Variants in TRIM71 observed in about 807,000 individuals in gnomAD.
The protein encoded by TRIM71 is tripartite motif containing 71.
TRIM71 carries 9 observed loss-of-function variants against 61.2 expected under a neutral mutation model. That is an observed-to-expected ratio of 0.15 (90% confidence interval 0.09 to 0.26). The LOEUF is 0.26. TRIM71 is among the 10% of genes least tolerant of loss of function. TRIM71 has a pLI of 1.00. For missense variants in TRIM71, 998 were observed against 1,238.7 expected (o/e 0.81, Z 2.92); for synonymous variants, 645 against 553.2 (o/e 1.17, Z -2.33).
At position 32,892,104 on chromosome 3, in the gene TRIM71, C is replaced by G; in HGVS notation, c.*293C>G. ...TACATTTCCTTCTGCAACAGGCCCT[C>G]TTCCCCTCCTCAGTGGAGTTTGCAT... is the stretch of plus-strand genomic sequence containing the variant. On this transcript the variant is annotated 3_prime_UTR_variant, in exon 4 of 4. Transcript: ENST00000383763. The G allele has an allele frequency of 3.1e-6, 1 of 325,642 alleles. No individual in the cohort carries two copies. The highest frequency in any genetic ancestry group is 3.3e-5 in the South Asian group (1 of 30,054). The allele number at this position is 325,642 out of a possible 1,614,324, so 20.2% of individuals were successfully genotyped here.
At chr3:32,820,339 C>T (rs1446241174) in intron 1 of TRIM71, among the ~76,000 whole-genome samples, 9 of 152,228 alleles carry the variant, frequency 5.9e-5, no homozygotes, top group Non-Finnish European at 8.8e-5. Context: ...AGTTGAAATT[C>T]TAATCTACTT....
In TRIM71 at chr3:32,890,730, G is replaced by C. The variant is rs1333421359; in HGVS notation, c.1526G>C (p.Gly509Ala). Reference sequence around the variant, plus strand: ...AAGGTGGCCTCCTTCACAGTCATTGGTTATGACCACGATGGTGAGCCCCGC... The same window carrying C: ...AAGGTGGCCTCCTTCACAGTCATTGCTTATGACCACGATGGTGAGCCCCGC... ...QGKVASFTVI[G>A]YDHDGEPRLS... The change falls in exon 4 of 4, where the codon GGT becomes GCT. Residue 509 changes from glycine to alanine, a missense_variant. Coordinates refer to ENST00000383763, the MANE Select transcript of TRIM71 (RefSeq NM_001039111.3). The surrounding 1 kb of genome is among the most constrained non-coding windows in gnomAD (Gnocchi z 6.2). 6.2e-7 allele frequency: 1 copy of C among 1,614,114 alleles called. No individual in the cohort carries two copies. The highest frequency in any genetic ancestry group is 1.7e-5 in the Admixed American group (1 of 60,032).
intron 1 of TRIM71, among the ~76,000 whole-genome samples, chr3:32,866,484 C>T (rs1382011081): frequency 6.6e-6 from 1 of 152,066 alleles, no homozygotes; most frequent in Admixed American, 6.5e-5. Context: ...TCTTCGCACT[C>T]CCAAAGTTCT....
rs575774389 is a variant in TRIM71, at chr3:32,855,507, ATGTCTCTGACC to A, written c.853-18303_853-18293del. Reference sequence around the variant, plus strand: ...GTTTTAAAGAGGGGTGTGGCGTGATATGTCTCTGACCTGTCTCTAGCCCTCCTCTTTTGCTG... The same window carrying A: ...GTTTTAAAGAGGGGTGTGGCGTGATATGTCTCTAGCCCTCCTCTTTTGCTG... On this transcript the variant is annotated intron_variant, in intron 1 of 3. Transcript: ENST00000383763. Among the ~76,000 whole-genome samples the A allele has an allele frequency of 1.1e-3, 172 of 152,236 alleles. 2 individuals carry two copies. The highest frequency in any genetic ancestry group is 3.7e-3 in the African/African-American group (153 of 41,552).
At chr3:32,841,654 G>C (rs1696407439) in intron 1 of TRIM71, among the ~76,000 whole-genome samples, 1 of 152,104 alleles carries the variant, frequency 6.6e-6, no homozygotes, top group African/African-American at 2.4e-5. Context: ...CCAGAGGCAG[G>C]GATTGGTTAA....
At chr3:32,881,618 C>T (rs1473742808) in intron 2 of TRIM71, among the ~76,000 whole-genome samples, 1 of 152,198 alleles carries the variant, frequency 6.6e-6, no homozygotes, top group East Asian at 1.9e-4. Flanking sequence ...CTGTTAACAT[C>T]CCAAAGATGG....
At chr3:32,838,832 G>C (rs1050659436) in intron 1 of TRIM71, among the ~76,000 whole-genome samples, 1 of 151,402 alleles carries the variant, frequency 6.6e-6, no homozygotes, top group African/African-American at 2.4e-5. Flanking sequence ...ACGAGGTCTC[G>C]CTCTGTCACC....
intron 2 of TRIM71, among the ~76,000 whole-genome samples, chr3:32,876,718 G>T (rs543999397): frequency 1.8e-4 from 27 of 152,180 alleles, no homozygotes; most frequent in Admixed American, 1.8e-3. Context: ...GAATGCTGGT[G>T]CTCTCTGTGC....
Position 32,891,852 on chromosome 3 carries a change from GTCTCTC to G in TRIM71, c.*57_*62del, listed in dbSNP as rs10630076. ...TTCTGTGTTTGGGGTGTGTGTGCGT[GTCTCTC>G]TCTCTCTCTCTCTCTTTCTCTTTCT... On this transcript the variant is annotated 3_prime_UTR_variant, in exon 4 of 4. Transcript: ENST00000383763. This position sits in a 1 kb window ranked among gnomAD's most constrained non-coding sequence, Gnocchi z 8.2. 1.0e-5 allele frequency: 15 copies of G among 1,440,154 alleles called. No homozygotes were observed. The highest frequency in any genetic ancestry group is 2.5e-5 in the East Asian group (1 of 40,394). 89.2% of individuals were successfully genotyped at this position (1,440,154 alleles called of 1,614,324 possible).
At chr3:32,857,272 C>T (rs1402633363) in intron 1 of TRIM71, among the ~76,000 whole-genome samples, 1 of 152,236 alleles carries the variant, frequency 6.6e-6, no homozygotes, top group Non-Finnish European at 1.5e-5. Flanking sequence ...AAATCTTCCA[C>T]CTCAGTCCTC....
At chr3:32,837,127 C>G (rs954318638) in intron 1 of TRIM71, among the ~76,000 whole-genome samples, 1 of 152,158 alleles carries the variant, frequency 6.6e-6, no homozygotes, top group African/African-American at 2.4e-5. Flanking sequence ...TTTCACTCCC[C>G]AAATGTAATC....
Position 32,891,406 on chromosome 3 carries a change from A to C in TRIM71, c.2202A>C (p.Leu734=), listed in dbSNP as rs775637446. 1 of 1,614,004 alleles carries C rather than the reference A, an allele frequency of 6.2e-7. No homozygotes were observed. The highest frequency in any genetic ancestry group is 2.2e-5 in the East Asian group (1 of 44,890). ...IQLFGPDGVF[L]NKYGFEGALW... Reference sequence around the variant, plus strand: ...TGTTTGGGCCTGATGGTGTCTTCCTAAACAAGTATGGCTTCGAGGGGGCTC... The same window carrying C: ...TGTTTGGGCCTGATGGTGTCTTCCTCAACAAGTATGGCTTCGAGGGGGCTC... The change falls in exon 4 of 4, where the codon CTA becomes CTC. Residue 734 remains leucine (L), a synonymous_variant. Transcript: ENST00000383763. This position sits in a 1 kb window ranked among gnomAD's most constrained non-coding sequence, Gnocchi z 8.2.
chr3:32,863,775 G>A (rs962483375), intron 1 of TRIM71, among the ~76,000 whole-genome samples: 1 of 151,708 alleles, frequency 6.6e-6, no homozygotes, highest in Non-Finnish European at 1.5e-5. Flanking sequence ...TCTGCCTCCC[G>A]GGTTCAAGCA....
At chr3:32,836,913 G>T (rs746568078) in intron 1 of TRIM71, among the ~76,000 whole-genome samples, 15 of 152,124 alleles carry the variant, frequency 9.9e-5, no homozygotes, top group Non-Finnish European at 2.1e-4. Flanking sequence ...GCTTATATTG[G>T]TCTAGGTCTT....
At chr3:32,881,786 T>C (rs759018937) in intron 2 of TRIM71, among the ~76,000 whole-genome samples, 1 of 152,182 alleles carries the variant, frequency 6.6e-6, no homozygotes, top group Non-Finnish European at 1.5e-5. Context: ...CTGTTAGAGG[T>C]TGGGAACTAG....
At chr3:32,848,907 A>G (rs944033425) in intron 1 of TRIM71, among the ~76,000 whole-genome samples, 1 of 152,180 alleles carries the variant, frequency 6.6e-6, no homozygotes, top group Non-Finnish European at 1.5e-5. Context: ...CACATCCCTA[A>G]GCCCCTAAAC....
intron 1 of TRIM71, among the ~76,000 whole-genome samples, chr3:32,853,306 A>G (rs754953503): frequency 1.3e-5 from 2 of 151,872 alleles, no homozygotes; most frequent in African/African-American, 4.8e-5. Context: ...TTTAGTTGAG[A>G]TGGGGTTTCA....
At chr3:32,856,259 C>T (rs1173566866) in intron 1 of TRIM71, among the ~76,000 whole-genome samples, 4 of 152,060 alleles carry the variant, frequency 2.6e-5, no homozygotes, top group South Asian at 2.1e-4. Context: ...CCTCGTGATC[C>T]GCCTGCCTCG....
intron 3 of TRIM71, among the ~76,000 whole-genome samples, chr3:32,886,479 G>T (rs1431052541): frequency 6.6e-6 from 1 of 152,198 alleles, no homozygotes; most frequent in Non-Finnish European, 1.5e-5. Context: ...GGAGGGCAGT[G>T]AGTGTGTGTC....
Sources: allele counts gnomAD v4.1 joint callset (sites outside exome capture counted in the v4.1 genomes callset), GRCh38; gene constraint gnomAD v4.1.1; non-coding constraint Gnocchi (gnomAD v3.1); transcripts MANE v1.5; gene names NCBI Gene and HGNC (gene_info 2026-07-23, HGNC 2026-07-21).